Variants in PLEKHA6 observed in about 807,000 individuals in gnomAD.
PLEKHA6 encodes the protein pleckstrin homology domain containing A6, also known as pleckstrin homology domain-containing family A member 6.
In PLEKHA6, 60 loss-of-function variants were observed where a neutral mutation model predicts 116.7. That is an observed-to-expected ratio of 0.51 (90% CI 0.42 to 0.64). The LOEUF (loss-of-function observed/expected upper bound fraction) is 0.64, where lower values mean the gene tolerates loss of function less well. Among genes scored for constraint, PLEKHA6 ranks in the 30% least tolerant of loss-of-function variants. The pLI is 0.00. For synonymous variants in PLEKHA6, 489 were observed against 556.1 expected, an observed-to-expected ratio of 0.88 and a Z score of 1.70; for missense variants, 1,338 against 1,422.7, an observed-to-expected ratio of 0.94 and a Z score of 0.96.
upstream of PLEKHA6, among the ~76,000 whole-genome samples, chr1:204,360,385 C>T (rs568399990): frequency 1.1e-5 from 1 of 95,150 alleles, no homozygotes; most frequent in Admixed American, 8.9e-5. Flanking sequence ...CATCCCCCGC[C>T]CCCCCCCCAA....
intron 1 of PLEKHA6, among the ~76,000 whole-genome samples, chr1:204,294,701 A>T (rs1670099255): frequency 6.6e-6 from 1 of 152,156 alleles, no homozygotes; most frequent in Non-Finnish European, 1.5e-5. Flanking sequence ...GTTACTACCT[A>T]AGGGACTCTG....
At chr1:204,329,058 T>C (rs1487803325) in intron 1 of PLEKHA6, among the ~76,000 whole-genome samples, 1 of 152,182 alleles carries the variant, frequency 6.6e-6, no homozygotes. Flanking sequence ...CTGTAAGCTA[T>C]TATTATAGAG....
At chr1:204,271,074 C>T (rs1029420842) in intron 3 of PLEKHA6, among the ~76,000 whole-genome samples, 12 of 152,216 alleles carry the variant, frequency 7.9e-5, no homozygotes, top group Admixed American at 7.9e-4. Flanking sequence ...ACACGCAGCC[C>T]AGGATGGCTT....
chr1:204,235,484 A>T (rs2102491747), intron 17 of PLEKHA6, among the ~76,000 whole-genome samples: 1 of 152,316 alleles, frequency 6.6e-6, no homozygotes, highest in Admixed American at 6.5e-5. Context: ...AAGTATGCTA[A>T]GACTGTCCTG....
At chr1:204,350,964 T>C (rs1673259483) in intron 1 of PLEKHA6, among the ~76,000 whole-genome samples, 3 of 152,216 alleles carry the variant, frequency 2.0e-5, no homozygotes, top group Non-Finnish European at 4.4e-5. Context: ...TTCCTCCTTG[T>C]CCAGCCCTTG....
chr1:204,259,233 C>T lies in PLEKHA6; in HGVS notation c.1007+25G>A. The T allele has an allele frequency of 6.2e-7, 1 of 1,607,876 alleles. No homozygotes were observed. The highest frequency in any genetic ancestry group is 8.5e-7 in the Non-Finnish European group (1 of 1,177,810). On this transcript the variant is annotated intron_variant, in intron 8 of 22. Coordinates refer to ENST00000272203, the MANE Select transcript of PLEKHA6 (RefSeq NM_014935.5). This position sits in a 1 kb window ranked among gnomAD's most constrained non-coding sequence, Gnocchi z 4.6. ...TCTAGCCATAATACCATATCAGCCC[C>T]ACCCCAGCCGCCGGCATGCCTCACC...
rs181751662 is a variant in PLEKHA6 at position 204,238,953 on chromosome 1, G to C, written c.2409+2422C>G. ...GCGATTATATACTGATTCATGGGCT[G>C]TAGCCAATGGTTTGGCTGGATGGTC... On this transcript the variant is annotated intron_variant, in intron 17 of 22. Transcript: ENST00000272203. The surrounding 1 kb of genome is among the most constrained non-coding windows in gnomAD (Gnocchi z 4.2). Among the ~76,000 whole-genome samples the C allele has an allele frequency of 5.1e-3, 773 of 152,388 alleles. 2 individuals carry two copies. The highest frequency in any genetic ancestry group is 0.014 in the Middle Eastern group (4 of 294).
At chr1:204,249,053 G>C (rs1293394086) in intron 11 of PLEKHA6, 83 bp from the exon 12 acceptor site, 2 of 1,526,132 alleles carry the variant, frequency 1.3e-6, no homozygotes, top group African/African-American at 2.7e-5. Context: ...GCCCTTAGAG[G>C]TTCAACAGGC....
At chr1:204,339,431 T>C (rs1672770616) in intron 1 of PLEKHA6, among the ~76,000 whole-genome samples, 1 of 152,132 alleles carries the variant, frequency 6.6e-6, no homozygotes, top group African/African-American at 2.4e-5. Context: ...ACCTGGGCTG[T>C]TACTAGGGAA....
rs1664143921 is a variant in PLEKHA6, at chr1:204,248,838, G to A, written c.1807C>T (p.Leu603=). The change falls in exon 12 of 23, where the codon CTG becomes TTG. Residue 603 remains leucine (L), a synonymous_variant. Coordinates refer to ENST00000272203, the MANE Select transcript of PLEKHA6 (RefSeq NM_014935.5). Reference sequence around the variant, plus strand: ...TGGGTTACCGTGGTCGCCTGAGACAGCTCCACGCGGATGTTGATGAGCTGG... The same window carrying A: ...TGGGTTACCGTGGTCGCCTGAGACAACTCCACGCGGATGTTGATGAGCTGG... ...QNQLINIRVE[L]SQATTALTNS... The A allele has an allele frequency of 5.6e-6, 9 of 1,613,772 alleles. No individual in the cohort carries two copies. Among genetic ancestry groups the A allele is most frequent in the African/African-American group, 1.3e-5 (1 of 74,912 alleles).
chr1:204,279,103 T>C (rs1376786312), intron 1 of PLEKHA6, among the ~76,000 whole-genome samples: 1 of 152,128 alleles, frequency 6.6e-6, no homozygotes, highest in Non-Finnish European at 1.5e-5. Context: ...ATTAAGCTCA[T>C]CTGCACAGAA....
intron 1 of PLEKHA6, among the ~76,000 whole-genome samples, chr1:204,340,119 C>T (rs1367885062): frequency 6.6e-6 from 1 of 151,974 alleles, no homozygotes; most frequent in South Asian, 2.1e-4. Context: ...TGGAAGGAGA[C>T]AATATTTTGG....
At chr1:204,232,482 C>A (rs6681723) in intron 17 of PLEKHA6, among the ~76,000 whole-genome samples, 78,437 of 151,764 alleles carry the variant, frequency 0.52, 20,874 homozygotes, top group African/African-American at 0.66. Flanking sequence ...CCAGAAGAAG[C>A]CAGAAATAGA....
chr1:204,226,961 T>C (rs1286337073), intron 21 of PLEKHA6, among the ~76,000 whole-genome samples: 1 of 152,234 alleles, frequency 6.6e-6, no homozygotes, highest in Non-Finnish European at 1.5e-5. Context: ...TGCCAGGCAC[T>C]GTGCTAGGTG....
At chr1:204,310,510 G>A (rs576397963) in intron 1 of PLEKHA6, among the ~76,000 whole-genome samples, 11 of 152,150 alleles carry the variant, frequency 7.2e-5, no homozygotes, top group South Asian at 4.2e-4. Flanking sequence ...TCCCCTTCCC[G>A]CATTCCTACT....
chr1:204,241,918 G>T, intron 15 of PLEKHA6, 104 bp from the exon 16 acceptor site: 1 of 1,252,936 alleles, frequency 8.0e-7, no homozygotes, highest in Non-Finnish European at 1.2e-6. Flanking sequence ...TCAAACCCTT[G>T]CAGATACAAG....
At chr1:204,377,803 C>CGTCGCTCCCGTGTCCCTGGCAGT (rs1673897940), upstream of PLEKHA6, 1 of 151,098 alleles carries the variant, frequency 6.6e-6, no homozygotes, top group Non-Finnish European at 1.5e-5. Flanking sequence ...GGGCTGGCGG[C>CGTCGCTCCCGTGTCCCTGGCAGT]GTCGCTCCCG....
rs751686842 is a variant in PLEKHA6, at chr1:204,351,755, C to T, written c.-95+7939G>A. On this transcript the variant is annotated intron_variant, in intron 1 of 22. Transcript: ENST00000272203. The stretch of plus-strand genomic sequence containing the variant: ...ACTAACCAGCAGAGACAGGGTGAGG[C>T]TGTGTAGGGACCAGCTTCCTGGAAT... Among the ~76,000 whole-genome samples, 97 of 152,300 alleles carry T rather than the reference C, an allele frequency of 6.4e-4. 1 individual carries two copies. The highest frequency in any genetic ancestry group is 2.9e-4 in the African/African-American group (12 of 41,554).
At chr1:204,244,436 C>T (rs190007196) in intron 15 of PLEKHA6, among the ~76,000 whole-genome samples, 10 of 152,138 alleles carry the variant, frequency 6.6e-5, no homozygotes, top group East Asian at 3.9e-4. Context: ...CACCCTGCCA[C>T]GTGTGTATCT....
Sources: allele counts gnomAD v4.1 joint callset (sites outside exome capture counted in the v4.1 genomes callset), GRCh38; gene constraint gnomAD v4.1.1; non-coding constraint Gnocchi (gnomAD v3.1); transcripts MANE v1.5; gene names NCBI Gene and HGNC (gene_info 2026-07-23, HGNC 2026-07-21).